SLC38A4: variants seen among roughly 807,000 people sequenced by gnomAD.
The protein encoded by SLC38A4 is solute carrier family 38 member 4.
SLC38A4 carries 20 observed loss-of-function variants against 63.1 expected under a neutral mutation model. That is an observed-to-expected ratio of 0.32 (90% CI 0.22 to 0.46). The LOEUF (loss-of-function observed/expected upper bound fraction) is 0.46. SLC38A4 is among the 20% of genes least tolerant of loss of function. The probability of loss-of-function intolerance (pLI) is 1.00; values close to 1 mark genes in which losing one functional copy is unlikely to be tolerated. For missense variants in SLC38A4, 526 were observed against 663.6 expected, an observed-to-expected ratio of 0.79 and a Z score of 2.28; for synonymous variants, 230 against 225.5, an observed-to-expected ratio of 1.02 and a Z score of -0.18.
chr12:46,779,616 T>C lies in SLC38A4; in HGVS notation c.712A>G (p.Ser238Gly). ...FSLTCMVFFV[S>G]VVIYKKFQIP... ...CATGTCATCACATCACTTACCACAC[T>C]AACAAAAAACACCATGCAGGTAAGA... Residue 238 changes from serine (S) to glycine (G), a missense_variant, in exon 10 of 17, where the codon AGT (serine) becomes GGT (glycine). Coordinates refer to ENST00000266579, the MANE Select transcript of SLC38A4 (RefSeq NM_018018.5). The C allele has an allele frequency of 6.2e-7, 1 of 1,602,214 alleles. No homozygotes were observed. The highest frequency in any genetic ancestry group is 8.5e-7 in the Non-Finnish European group (1 of 1,176,440).
At chr12:46,816,671 TAGA>T (rs1056570288) in intron 1 of SLC38A4, among the ~76,000 whole-genome samples, 4 of 151,920 alleles carry the variant, frequency 2.6e-5, no homozygotes, top group African/African-American at 9.7e-5. Context: ...TTTCCCTATT[TAGA>T]AGGTGTGCAC....
In SLC38A4 at chr12:46,782,163, TTAGA is replaced by T. The variant is rs775596550; in HGVS notation, c.494-2137_494-2134del. 4.6e-5 allele frequency among the ~76,000 whole-genome samples: 7 copies of T among 152,042 alleles called. 1 individual carries two copies. The highest frequency in any genetic ancestry group is 8.8e-5 in the Non-Finnish European group (6 of 67,962). On this transcript the variant is annotated intron_variant, in intron 7 of 16. Transcript: ENST00000266579. ...CTATCCATTATCAGGGTGAGTATAG[TTAGA>T]TAGATTACTAAAGAAATTTCTGCAT...
chr12:46,785,640 G>A (rs1425895777), intron 5 of SLC38A4, among the ~76,000 whole-genome samples: 1 of 151,538 alleles, frequency 6.6e-6, no homozygotes, highest in South Asian at 2.1e-4. Flanking sequence ...TGCTGATCCT[G>A]TGCATTAGAT....
chr12:46,793,999 A>T (rs1444917556), intron 2 of SLC38A4, among the ~76,000 whole-genome samples: 14 of 152,168 alleles, frequency 9.2e-5, no homozygotes, highest in Non-Finnish European at 2.1e-4. Context: ...TATGTAGTTG[A>T]TATAATTTCT....
upstream of SLC38A4, among the ~76,000 whole-genome samples, chr12:46,829,836 C>T (rs997338518): frequency 6.6e-6 from 1 of 152,160 alleles, no homozygotes; most frequent in South Asian, 2.1e-4. Context: ...ACAATTAATG[C>T]CCAAGTAGAA....
intron 1 of SLC38A4, among the ~76,000 whole-genome samples, chr12:46,815,705 T>TC (rs1939430242): frequency 6.6e-6 from 1 of 151,914 alleles, no homozygotes; most frequent in Non-Finnish European, 1.5e-5. Flanking sequence ...ATTAAATAAC[T>TC]AAACTCCAAT....
chr12:46,776,596 T>C (rs931467497), intron 13 of SLC38A4, among the ~76,000 whole-genome samples: 1 of 152,034 alleles, frequency 6.6e-6, no homozygotes, highest in East Asian at 1.9e-4. Context: ...TCATCACTTG[T>C]AGCCTGAGTT....
intron 2 of SLC38A4, among the ~76,000 whole-genome samples, chr12:46,801,099 C>A (rs137953613): frequency 6.6e-6 from 1 of 152,050 alleles, no homozygotes; most frequent in South Asian, 2.1e-4. Context: ...TGCTCAACTG[C>A]GTTGTTAATT....
chr12:46,780,222 C>A (rs1938611628), intron 7 of SLC38A4, among the ~76,000 whole-genome samples, 192 bp from the exon 8 acceptor site: 1 of 152,004 alleles, frequency 6.6e-6, no homozygotes, highest in South Asian at 2.1e-4. Flanking sequence ...TTCAGGTGGA[C>A]CTTTGTTAAC....
At chr12:46,776,410 A>G (rs1461220878) in intron 13 of SLC38A4, among the ~76,000 whole-genome samples, 1 of 152,042 alleles carries the variant, frequency 6.6e-6, no homozygotes, top group East Asian at 1.9e-4. Flanking sequence ...ATTTAGTATA[A>G]CAAAATAGAA....
chr12:46,810,890 T>C (rs1339339040), intron 1 of SLC38A4, among the ~76,000 whole-genome samples: 4 of 152,054 alleles, frequency 2.6e-5, no homozygotes, highest in African/African-American at 9.7e-5. Flanking sequence ...TTAAAAAATC[T>C]TTGATTCTGA....
At chr12:46,819,642 A>G (rs1178957614) in intron 1 of SLC38A4, among the ~76,000 whole-genome samples, 1 of 151,886 alleles carries the variant, frequency 6.6e-6, no homozygotes, top group Non-Finnish European at 1.5e-5. Context: ...GTGGGGTAGC[A>G]GAGGAGAAAA....
chr12:46,777,434 A>T (rs997952987), intron 12 of SLC38A4, among the ~76,000 whole-genome samples: 3 of 152,024 alleles, frequency 2.0e-5, no homozygotes, highest in Admixed American at 1.3e-4. Context: ...TCTGAAAACC[A>T]TTCTAGAAGG....
upstream of SLC38A4, among the ~76,000 whole-genome samples, chr12:46,829,350 G>T (rs1462955116): frequency 2.6e-5 from 4 of 151,476 alleles, no homozygotes; most frequent in African/African-American, 9.7e-5. Context: ...TTTTAAAACT[G>T]TGTAATCATT....
At chr12:46,812,879 A>G (rs1178334439) in intron 1 of SLC38A4, among the ~76,000 whole-genome samples, 1 of 152,040 alleles carries the variant, frequency 6.6e-6, no homozygotes, top group Non-Finnish European at 1.5e-5. Flanking sequence ...TCGATATGAA[A>G]TCTCAATTCT....
chr12:46,815,276 T>TAC (rs1325517895), intron 1 of SLC38A4, among the ~76,000 whole-genome samples: 12 of 77,720 alleles, frequency 1.5e-4, no homozygotes, highest in African/African-American at 5.9e-4. Context: ...TATATATATA[T>TAC]ATATATATAC....
chr12:46,771,388 T>G (rs1041949583), intron 14 of SLC38A4, among the ~76,000 whole-genome samples: 2 of 152,088 alleles, frequency 1.3e-5, no homozygotes, highest in African/African-American at 4.8e-5. Context: ...TTTAGTCACT[T>G]GTTAAAAAGG....
At chr12:46,825,666 C>T (rs553135944) in intron 1 of SLC38A4, among the ~76,000 whole-genome samples, 1 of 152,076 alleles carries the variant, frequency 6.6e-6, no homozygotes, top group African/African-American at 2.4e-5. Flanking sequence ...AAACACATTC[C>T]TCCCATTTGG....
intron 7 of SLC38A4, among the ~76,000 whole-genome samples, chr12:46,783,020 A>ATGTGTGTGTG (rs71437771): frequency 0.19 from 19,927 of 103,296 alleles, 2,117 homozygotes; most frequent in Non-Finnish European, 0.27. Flanking sequence ...GAGAGAGAAA[A>ATGTGTGTGTG]TGTGTGTGTG....
Sources: gnomAD v4.1 joint callset for allele counts (sites outside exome capture counted in the v4.1 genomes callset) on GRCh38, gnomAD v4.1.1 for gene constraint, MANE v1.5 for transcripts, NCBI Gene and HGNC (gene_info 2026-07-23, HGNC 2026-07-21) for gene names.